The following NCOA6 variants were observed in gnomAD, a reference collection of about 807,000 sequenced individuals.
The protein encoded by NCOA6 is NRC RAP250.
Under a neutral mutation model 171.4 loss-of-function variants are expected in NCOA6, and 49 were observed. The observed-to-expected ratio is 0.29, with a 90% confidence interval of 0.23 to 0.36. The LOEUF (loss-of-function observed/expected upper bound fraction) is 0.36, where lower values mean the gene tolerates loss of function less well. Among genes scored for constraint, NCOA6 ranks in the 10% least tolerant of loss-of-function variants. NCOA6 has a pLI of 1.00. For missense variants in NCOA6, 2,248 were observed against 2,554.5 expected, an observed-to-expected ratio of 0.88 and a Z score of 2.59; for synonymous variants, 910 against 927.5, an observed-to-expected ratio of 0.98 and a Z score of 0.34.
At chr20:34,743,766 G>A (rs551369471) in intron 10 of NCOA6, among the ~76,000 whole-genome samples, 1 of 152,368 alleles carries the variant, frequency 6.6e-6, no homozygotes, top group Admixed American at 6.5e-5. Context: ...TGTGAATGAA[G>A]TAAAGCATTT....
Position 34,749,726 on chromosome 20 carries a change from A to G in NCOA6, c.2469T>C (p.Ile823=), listed in dbSNP as rs1474484023. Reference sequence around the variant, plus strand: ...GAGGGGGGACCATGTTGGTTTGTTGAATGCTAACATCAGGCATCATCTGAG... The same window carrying G: ...GAGGGGGGACCATGTTGGTTTGTTGGATGCTAACATCAGGCATCATCTGAG... ...SLSQMMPDVS[I]QQTNMVPPHV... Residue 823 remains isoleucine (I), a synonymous_variant, in exon 9 of 15, where the codon ATT becomes ATC. Transcript: ENST00000359003. 1 of 1,614,188 alleles carries G rather than the reference A, an allele frequency of 6.2e-7. No individual in the cohort carries two copies. Among genetic ancestry groups the G allele is most frequent in the South Asian group, 1.1e-5 (1 of 91,076 alleles).
intron 8 of NCOA6, 66 bp downstream of exon 8, chr20:34,754,656 G>C (rs1171002576): frequency 1.3e-6 from 2 of 1,588,746 alleles, no homozygotes; most frequent in East Asian, 4.5e-5. Context: ...GTATACTCCT[G>C]TTGTCTATCA....
intron 2 of NCOA6, 36 bp downstream of exon 2, chr20:34,792,414 G>A (rs1601053101): frequency 5.1e-6 from 2 of 393,286 alleles, no homozygotes. Flanking sequence ...GCATTAAGTT[G>A]GCTTTATTAA....
At chr20:34,769,899 G>C (rs926637915) in intron 4 of NCOA6, among the ~76,000 whole-genome samples, 1 of 152,196 alleles carries the variant, frequency 6.6e-6, no homozygotes, top group African/African-American at 2.4e-5. Flanking sequence ...AATATAGCTA[G>C]TCTGTGGCTG....
intron 3 of NCOA6, among the ~76,000 whole-genome samples, chr20:34,776,966 A>G (rs2077343021): frequency 6.6e-6 from 1 of 152,056 alleles, no homozygotes; most frequent in Admixed American, 6.6e-5. Context: ...AAAATATAAA[A>G]ATTTGCTGGG....
At chr20:34,777,861 T>C (rs1383999826) in intron 3 of NCOA6, among the ~76,000 whole-genome samples, 1 of 152,200 alleles carries the variant, frequency 6.6e-6, no homozygotes, top group African/African-American at 2.4e-5. Context: ...CAATGTCTAC[T>C]GACAGATGAA....
At chr20:34,768,006 C>A (rs1204827329) in intron 5 of NCOA6, among the ~76,000 whole-genome samples, 3 of 152,174 alleles carry the variant, frequency 2.0e-5, no homozygotes, top group South Asian at 2.1e-4. Context: ...TTATAACTCT[C>A]AAATTCTAAA....
chr20:34,765,248 C>T (rs536061916), intron 5 of NCOA6, among the ~76,000 whole-genome samples: 8 of 151,504 alleles, frequency 5.3e-5, no homozygotes, highest in African/African-American at 1.2e-4. Context: ...GTCAGGAGAT[C>T]GAGACCATCC....
At chr20:34,762,041 T>C (rs978479057) in intron 5 of NCOA6, among the ~76,000 whole-genome samples, 4 of 152,224 alleles carry the variant, frequency 2.6e-5, no homozygotes, top group Non-Finnish European at 5.9e-5. Flanking sequence ...TTTACAAACT[T>C]GGCCATCAAT....
intron 14 of NCOA6, among the ~76,000 whole-genome samples, chr20:34,719,078 C>CAAA (rs1477279765): frequency 3.3e-5 from 5 of 152,158 alleles, no homozygotes; most frequent in African/African-American, 7.2e-5. Context: ...CAATAATAGT[C>CAAA]TTTTAAGTGA....
intron 13 of NCOA6, among the ~76,000 whole-genome samples, chr20:34,730,734 A>C (rs1280333068): frequency 7.5e-6 from 1 of 133,842 alleles, no homozygotes; most frequent in African/African-American, 2.8e-5. Context: ...TTTTTTTAAG[A>C]TAGAGTCTTA....
At chr20:34,761,934 G>A (rs943024656) in intron 5 of NCOA6, among the ~76,000 whole-genome samples, 1 of 152,070 alleles carries the variant, frequency 6.6e-6, no homozygotes, top group African/African-American at 2.4e-5. Context: ...GATTACAGGC[G>A]TGAGCTATCG....
At chr20:34,809,010 G>A (rs1310493402) in intron 1 of NCOA6, among the ~76,000 whole-genome samples, 1 of 152,176 alleles carries the variant, frequency 6.6e-6, no homozygotes, top group African/African-American at 2.4e-5. Flanking sequence ...CTCTGAGATC[G>A]TAAGGTAGCC....
intron 5 of NCOA6, among the ~76,000 whole-genome samples, chr20:34,767,821 GA>G (rs1289285785): frequency 6.6e-6 from 1 of 152,170 alleles, no homozygotes; most frequent in African/African-American, 2.4e-5. Flanking sequence ...GAAGATCTGT[GA>G]TACTAGTTTA....
chr20:34,794,308 T>C (rs2077990800), intron 1 of NCOA6, among the ~76,000 whole-genome samples: 1 of 152,116 alleles, frequency 6.6e-6, no homozygotes, highest in Admixed American at 6.6e-5. Context: ...TAAAAAAAAT[T>C]ACAATTGCAT....
At chr20:34,748,884 A>G (rs2076385114) in intron 9 of NCOA6, among the ~76,000 whole-genome samples, 1 of 152,212 alleles carries the variant, frequency 6.6e-6, no homozygotes, top group African/African-American at 2.4e-5. Flanking sequence ...TGGTTCCCCA[A>G]TAGCCATCAT....
At chr20:34,753,881 A>C (rs1215643140) in intron 8 of NCOA6, among the ~76,000 whole-genome samples, 1 of 152,182 alleles carries the variant, frequency 6.6e-6, no homozygotes, top group Non-Finnish European at 1.5e-5. Flanking sequence ...TCCAGGAGGG[A>C]TGGGAATTCA....
intron 5 of NCOA6, among the ~76,000 whole-genome samples, chr20:34,761,844 C>G (rs373714184): frequency 6.6e-6 from 1 of 151,942 alleles, no homozygotes; most frequent in Non-Finnish European, 1.5e-5. Flanking sequence ...TTAGTAGAGA[C>G]GGGGTTTCAC....
intron 2 of NCOA6, among the ~76,000 whole-genome samples, chr20:34,786,710 C>CT (rs1439962512): frequency 6.6e-6 from 1 of 152,110 alleles, no homozygotes; most frequent in Non-Finnish European, 1.5e-5. Context: ...ATCTGAGAGA[C>CT]TGTTATGACT....
Sources: gnomAD v4.1 joint callset for allele counts (sites outside exome capture counted in the v4.1 genomes callset) on GRCh38, gnomAD v4.1.1 for gene constraint, MANE v1.5 for transcripts, NCBI Gene and HGNC (gene_info 2026-07-23, HGNC 2026-07-21) for gene names.